Variants in EYA3 observed in about 807,000 individuals in gnomAD.
EYA3 encodes the protein EYA transcriptional coactivator and phosphatase 3.
EYA3 carries 39 observed loss-of-function variants against 80.0 expected under a neutral mutation model. The observed-to-expected ratio is 0.49, with a 90% confidence interval of 0.38 to 0.64. The LOEUF is 0.64. Among genes scored for constraint, EYA3 ranks in the 30% least tolerant of loss-of-function variants. The probability of loss-of-function intolerance (pLI) is 0.00; values close to 1 mark genes in which losing one functional copy is unlikely to be tolerated. For synonymous variants in EYA3, 206 were observed against 232.8 expected (o/e 0.88, Z 1.05); for missense variants, 523 against 676.1 (o/e 0.77, Z 2.51).
intron 2 of EYA3, among the ~76,000 whole-genome samples, chr1:28,056,767 G>A (rs145756644): frequency 2.6e-4 from 39 of 152,238 alleles, no homozygotes; most frequent in African/African-American, 8.7e-4. Context: ...ACCTTAAATA[G>A]GTAAGGAGTA....
At chr1:27,997,469 AG>A (rs1571748771) in intron 12 of EYA3, 91 bp from the exon 13 acceptor site, 9 of 1,126,970 alleles carry the variant, frequency 8.0e-6, no homozygotes, top group Non-Finnish European at 1.2e-5. Flanking sequence ...ATACAGTGGC[AG>A]GATAATGAAA....
chr1:28,023,403 G>A (rs1004371483), intron 7 of EYA3, among the ~76,000 whole-genome samples: 3 of 152,150 alleles, frequency 2.0e-5, no homozygotes, highest in Non-Finnish European at 4.4e-5. Flanking sequence ...AGTACAGAAA[G>A]GGAGGAAAGA....
intron 1 of EYA3, among the ~76,000 whole-genome samples, chr1:28,082,366 T>G (rs567998089): frequency 7.2e-5 from 11 of 152,224 alleles, no homozygotes; most frequent in Non-Finnish European, 1.6e-4. Context: ...TTGATTAAAT[T>G]TTTTTATTTG....
At position 28,013,281 on chromosome 1, in the gene EYA3, T is replaced by C. The variant is rs1249408794; in HGVS notation, c.599A>G (p.Tyr200Cys). The C allele has an allele frequency of 2.5e-6, 4 of 1,611,914 alleles. No homozygotes were observed. Among genetic ancestry groups the C allele is most frequent in the Non-Finnish European group, 3.4e-6 (4 of 1,178,988 alleles). Residue 200 changes from tyrosine (Y) to cysteine (C), a missense_variant, in exon 9 of 18, where the codon TAT becomes TGT. Physicochemically the swap from Tyr to Cys is radical, Grantham distance 194 (BLOSUM62 -2). Around this residue, in one of 2 missense-constraint regions of EYA3, gnomAD observed 304 missense variants for 343.3 expected, o/e 0.89. Transcript: ENST00000373871. The surrounding 1 kb of genome is among the most constrained non-coding windows in gnomAD (Gnocchi z 4.0). ...GTACTGATTCTGACCAAGAATAGTA[T>C]AGGTGGGATAATCCTGCAGGCCAAA... Reference protein sequence around the residue: ...ASISNQDYPTYTILGQNQYQA... With the variant: ...ASISNQDYPTCTILGQNQYQA...
chr1:28,072,802 A>G (rs1645061178), intron 1 of EYA3, among the ~76,000 whole-genome samples: 1 of 152,010 alleles, frequency 6.6e-6, no homozygotes, highest in Admixed American at 6.6e-5. Context: ...GCTTGTTCAT[A>G]TATATGCCAA....
intron 1 of EYA3, among the ~76,000 whole-genome samples, chr1:28,087,906 G>C (rs1490286759): frequency 1.3e-5 from 2 of 152,162 alleles, no homozygotes; most frequent in African/African-American, 2.4e-5. Flanking sequence ...AGTCTAACCC[G>C]GCGCCTTAAG....
chr1:27,989,868 G>A, intron 14 of EYA3, 57 bp from the exon 15 acceptor site: 1 of 1,070,804 alleles, frequency 9.3e-7, no homozygotes, highest in South Asian at 1.4e-5. Flanking sequence ...TGCTGACAGT[G>A]AGAAAGCAAC....
At chr1:28,039,984 C>A (rs1235534208) in intron 4 of EYA3, among the ~76,000 whole-genome samples, 1 of 152,172 alleles carries the variant, frequency 6.6e-6, no homozygotes, top group African/African-American at 2.4e-5. Flanking sequence ...AAACCCTTAT[C>A]TTCCTCCAAT....
chr1:28,012,446 T>C (rs181346265), intron 9 of EYA3, among the ~76,000 whole-genome samples: 15 of 152,340 alleles, frequency 9.8e-5, no homozygotes, highest in African/African-American at 3.6e-4. Flanking sequence ...TAGTACTGTT[T>C]CTAAACATGC....
chr1:28,072,835 C>T (rs777949583), intron 1 of EYA3, among the ~76,000 whole-genome samples: 6 of 151,644 alleles, frequency 4.0e-5, no homozygotes, highest in Non-Finnish European at 8.8e-5. Context: ...ACTCAAATGC[C>T]CTTCAAACTG....
At chr1:27,998,358 A>T in intron 12 of EYA3, 1 of 978,854 alleles carries the variant, frequency 1.0e-6, no homozygotes, top group East Asian at 1.1e-4. Flanking sequence ...ATGTCTAGAA[A>T]ATCATTACAA....
At chr1:28,067,165 T>C (rs544387424) in intron 1 of EYA3, among the ~76,000 whole-genome samples, 1 of 152,304 alleles carries the variant, frequency 6.6e-6, no homozygotes, top group East Asian at 1.9e-4. Flanking sequence ...TCTGAATAAT[T>C]TTTCTTAGGT....
intron 15 of EYA3, among the ~76,000 whole-genome samples, chr1:27,989,457 C>T (rs542868166): frequency 1.4e-4 from 22 of 152,192 alleles, no homozygotes; most frequent in Non-Finnish European, 2.6e-4. Flanking sequence ...GTTTTAATTT[C>T]GTGAGCAAAA....
chr1:28,035,785 G>C, intron 5 of EYA3, 105 bp from the exon 6 acceptor site: 1 of 1,073,374 alleles, frequency 9.3e-7, no homozygotes, highest in Non-Finnish European at 1.4e-6. Flanking sequence ...GCAACAAGGA[G>C]ACTAATCTTC....
In EYA3 at chr1:28,009,896, T is replaced by C. The variant is rs148457801; in HGVS notation, c.909+1051A>G. 1.4e-3 allele frequency among the ~76,000 whole-genome samples: 209 copies of C among 152,270 alleles called. 1 individual carries two copies. Among genetic ancestry groups the C allele is most frequent in the African/African-American group, 4.9e-3 (202 of 41,572 alleles). On this transcript the variant is annotated intron_variant, in intron 10 of 17. Coordinates refer to ENST00000373871, the MANE Select transcript of EYA3 (RefSeq NM_001990.4). The surrounding 1 kb of genome is among the most constrained non-coding windows in gnomAD (Gnocchi z 4.8). ...ATACAGTGGTGATGGTTAGACAATA[T>C]TGAGAATGTATAATGACACTAAATT... is the stretch of plus-strand genomic sequence containing the variant.
rs1179593805 is a variant in EYA3, at chr1:28,035,651, A to G, written c.254T>C (p.Val85Ala). ...KPYAHILSVPVSETAYPGQTQ... is the reference protein window; with the variant it reads ...KPYAHILSVPASETAYPGQTQ... Reference sequence around the variant, plus strand: ...CTGTCCAGGGTAAGCAGTTTCCGAAACAGGAACTGAGAGAATATGTGCATA... The same window carrying G: ...CTGTCCAGGGTAAGCAGTTTCCGAAGCAGGAACTGAGAGAATATGTGCATA... The change falls in exon 6 of 18, where the codon GTT becomes GCT. Residue 85 changes from valine (V) to alanine (A), a missense_variant. Val to Ala is a moderately conservative substitution (Grantham distance 64). Coordinates refer to ENST00000373871, the MANE Select transcript of EYA3 (RefSeq NM_001990.4). 2 of 1,614,136 alleles carry G rather than the reference A, an allele frequency of 1.2e-6. No homozygotes were observed. Among genetic ancestry groups the G allele is most frequent in the Admixed American group, 3.3e-5 (2 of 60,022 alleles).
Position 28,033,560 on chromosome 1 carries a change from C to T in EYA3, c.361+1984G>A, listed in dbSNP as rs115324159. 3.0e-3 allele frequency among the ~76,000 whole-genome samples: 461 copies of T among 151,832 alleles called. 2 individuals are homozygous for T. The highest frequency in any genetic ancestry group is 0.01 in the African/African-American group (427 of 41,492). ...AAGGAGCCTATTATTAACAATATTA[C>T]CAGCATACAATATAAACATGTATCC... On this transcript the variant is annotated intron_variant, in intron 6 of 17. Transcript: ENST00000373871.
rs147859096 is a variant in EYA3, at chr1:28,087,581, C to A, written c.-69+943G>T. On this transcript the variant is annotated intron_variant, in intron 1 of 17. Coordinates refer to ENST00000373871, the MANE Select transcript of EYA3 (RefSeq NM_001990.4). ...ACACAATAAATTCATAAATCTGGGG[C>A]TAATGATCTCTCCACAAATTCTGTC... Among the ~76,000 whole-genome samples, 1,046 of 152,322 alleles carry A rather than the reference C, an allele frequency of 6.9e-3. 5 individuals are homozygous for A. Among genetic ancestry groups the A allele is most frequent in the Non-Finnish European group, 0.01 (713 of 68,026 alleles).
Position 27,974,299 on chromosome 1 carries a change from GAGGA to G in EYA3, c.*163_*166del, listed in dbSNP as rs1023725697. 1.1e-5 allele frequency: 5 copies of G among 472,094 alleles called. No homozygotes were observed. In the South Asian group the frequency reaches 1.2e-4, roughly 11 times the overall value. The allele number at this position is 472,094 out of a possible 1,614,324, so 29.2% of individuals were successfully genotyped here. Reference sequence around the variant, plus strand: ...AGAGAGAGGCAGAGAGGGAGGGAGAGAGGAAGGGAGGGAGGGAGAGAGGGAGAGA... The same window carrying G: ...AGAGAGAGGCAGAGAGGGAGGGAGAGAGGGAGGGAGGGAGAGAGGGAGAGA... On this transcript the variant is annotated 3_prime_UTR_variant, in exon 18 of 18. Transcript: ENST00000373871.
Sources: allele counts gnomAD v4.1 joint callset (sites outside exome capture counted in the v4.1 genomes callset), GRCh38; gene constraint gnomAD v4.1.1; regional missense constraint gnomAD v4.1.1; non-coding constraint Gnocchi (gnomAD v3.1); transcripts MANE v1.5; gene names NCBI Gene and HGNC (gene_info 2026-07-23, HGNC 2026-07-21).